Variants in MYO5B observed in about 807,000 individuals in gnomAD.
MYO5B encodes myosin VB, also known as unconventional myosin-Vb.
In MYO5B, 143 loss-of-function variants were observed where a neutral mutation model predicts 229.3. The ratio of observed to expected loss-of-function variants is 0.62; its 90% CI spans 0.54 to 0.72. The LOEUF is 0.72. Ranked by LOEUF, MYO5B falls within the 30% of genes least tolerant of loss-of-function variation. The pLI is 0.00. For synonymous variants in MYO5B, 918 were observed against 885.2 expected, an observed-to-expected ratio of 1.04 and a Z score of -0.66; for missense variants, 2,321 against 2,331.0, an observed-to-expected ratio of 1.00 and a Z score of 0.09.
intron 10 of MYO5B, among the ~76,000 whole-genome samples, chr18:49,965,063 T>A (rs1287515054): frequency 6.6e-6 from 1 of 151,422 alleles, no homozygotes; most frequent in African/African-American, 2.4e-5. Context: ...CGGGGGAGAG[T>A]GTGCAAGCCT....
At chr18:50,182,452 CTG>C (rs2033086284) in intron 1 of MYO5B, among the ~76,000 whole-genome samples, 3 of 152,112 alleles carry the variant, frequency 2.0e-5, no homozygotes, top group Admixed American at 2.0e-4. Flanking sequence ...AAATAGGAGA[CTG>C]TGCTCTTAAC....
chr18:49,954,515 A>G, intron 12 of MYO5B, 80 bp from the exon 13 acceptor site: 1 of 1,579,768 alleles, frequency 6.3e-7, no homozygotes, highest in Non-Finnish European at 8.7e-7. Flanking sequence ...GGATGGGACC[A>G]GTAGGCTGGC....
intron 5 of MYO5B, among the ~76,000 whole-genome samples, chr18:49,993,736 G>C (rs1300378091): frequency 6.6e-6 from 1 of 152,008 alleles, no homozygotes; most frequent in East Asian, 1.9e-4. Flanking sequence ...ACTTCAATGG[G>C]CTCTCAATGG....
chr18:49,840,755 G>A (rs2024046314), intron 35 of MYO5B, among the ~76,000 whole-genome samples: 1 of 152,208 alleles, frequency 6.6e-6, no homozygotes, highest in African/African-American at 2.4e-5. Flanking sequence ...ACCAAAGCTA[G>A]GAATGTGAGT....
chr18:50,187,847 G>C (rs2033170146), intron 1 of MYO5B, among the ~76,000 whole-genome samples: 1 of 152,112 alleles, frequency 6.6e-6, no homozygotes, highest in Admixed American at 6.5e-5. Context: ...TCAAGGTCAT[G>C]AAAGACAAAA....
At chr18:50,025,688 C>A (rs1442536913) in intron 4 of MYO5B, among the ~76,000 whole-genome samples, 1 of 152,278 alleles carries the variant, frequency 6.6e-6, no homozygotes, top group Non-Finnish European at 1.5e-5. Context: ...GGACAATGGC[C>A]TGCACTCTCA....
intron 22 of MYO5B, among the ~76,000 whole-genome samples, chr18:49,883,755 C>T (rs753306726): frequency 3.9e-5 from 6 of 152,194 alleles, no homozygotes; most frequent in African/African-American, 7.2e-5. Flanking sequence ...ATACAGACAG[C>T]GTGATACTGG....
intron 12 of MYO5B, among the ~76,000 whole-genome samples, chr18:49,959,406 C>G (rs1316938430): frequency 6.6e-6 from 1 of 152,202 alleles, no homozygotes; most frequent in African/African-American, 2.4e-5. Flanking sequence ...AAGCGCTAGA[C>G]AAGGAAACCT....
Position 49,839,130 on chromosome 18 carries a change from T to G in MYO5B, c.4852+14A>C. Reference sequence around the variant, plus strand: ...ACCATGATGAGTGATGTAGCTCTCCTGCTGCCAGCTTACCTATCATCGGCT... The same window carrying G: ...ACCATGATGAGTGATGTAGCTCTCCGGCTGCCAGCTTACCTATCATCGGCT... On this transcript the variant is annotated intron_variant, in intron 36 of 39. Coordinates refer to ENST00000285039, the MANE Select transcript of MYO5B (RefSeq NM_001080467.3). 2 of 1,612,660 alleles carry G rather than the reference T, an allele frequency of 1.2e-6. No homozygotes were observed. The highest frequency in any genetic ancestry group is 1.7e-6 in the Non-Finnish European group (2 of 1,179,942).
At chr18:49,911,915 A>T in intron 18 of MYO5B, 147 bp downstream of exon 18, 7 of 729,586 alleles carry the variant, frequency 9.6e-6, no homozygotes, top group Admixed American at 8.3e-5. Context: ...TTTTCTAGTC[A>T]CTGATGTAGG....
At chr18:49,963,667 A>G (rs937001720) in intron 10 of MYO5B, among the ~76,000 whole-genome samples, 13 of 152,074 alleles carry the variant, frequency 8.5e-5, no homozygotes, top group African/African-American at 3.1e-4. Flanking sequence ...GGCTCAAGTG[A>G]TCCATCCACC....
intron 1 of MYO5B, among the ~76,000 whole-genome samples, chr18:50,153,569 C>A (rs536555013): frequency 2.0e-5 from 3 of 152,184 alleles, no homozygotes; most frequent in Admixed American, 6.5e-5. Context: ...TCCTGCTCAG[C>A]CTCCAGAATA....
At chr18:49,875,475 G>A (rs996589976) in intron 26 of MYO5B, among the ~76,000 whole-genome samples, 2 of 152,128 alleles carry the variant, frequency 1.3e-5, no homozygotes, top group Admixed American at 6.5e-5. Context: ...ACAGAAACCC[G>A]GGGCATGAGG....
intron 1 of MYO5B, among the ~76,000 whole-genome samples, chr18:50,108,434 A>G (rs1239361337): frequency 6.6e-6 from 1 of 152,224 alleles, no homozygotes; most frequent in Admixed American, 6.5e-5. Context: ...TAGTACATGA[A>G]CAAACCACAA....
At chr18:50,108,574 C>T (rs2031805369) in intron 1 of MYO5B, among the ~76,000 whole-genome samples, 1 of 152,134 alleles carries the variant, frequency 6.6e-6, no homozygotes, top group Non-Finnish European at 1.5e-5. Context: ...CCAAGTTCTC[C>T]AGGCAGCCTA....
chr18:49,874,925 T>A (rs563874749), intron 26 of MYO5B, among the ~76,000 whole-genome samples: 1 of 152,368 alleles, frequency 6.6e-6, no homozygotes, highest in South Asian at 2.1e-4. Flanking sequence ...TGCATTTATT[T>A]AAGTGCTACC....
intron 2 of MYO5B, among the ~76,000 whole-genome samples, chr18:50,049,363 A>G (rs1424341273): frequency 1.3e-5 from 2 of 152,242 alleles, no homozygotes; most frequent in Non-Finnish European, 2.9e-5. Flanking sequence ...CTACTGATAA[A>G]CTGCCTGGTC....
intron 10 of MYO5B, among the ~76,000 whole-genome samples, chr18:49,967,941 A>T (rs1178678683): frequency 6.6e-6 from 1 of 152,126 alleles, no homozygotes. Context: ...GAGGACCTAA[A>T]TCCACTCAGT....
At chr18:50,050,991 G>A (rs1342503305) in intron 2 of MYO5B, among the ~76,000 whole-genome samples, 1 of 152,186 alleles carries the variant, frequency 6.6e-6, no homozygotes, top group Admixed American at 6.5e-5. Context: ...CATGACAGAG[G>A]AGGAATGCTT....
Sources: allele counts gnomAD v4.1 joint callset (sites outside exome capture counted in the v4.1 genomes callset), GRCh38; gene constraint gnomAD v4.1.1; transcripts MANE v1.5; gene names NCBI Gene and HGNC (gene_info 2026-07-23, HGNC 2026-07-21).